Variants in NEBL observed in about 807,000 individuals in gnomAD.
NEBL encodes LIM and SH3 protein 2.
Under a neutral mutation model 140.2 loss-of-function variants are expected in NEBL, and 122 were observed. That is an observed-to-expected ratio of 0.87 (90% CI 0.75 to 1.01). The LOEUF (loss-of-function observed/expected upper bound fraction) is 1.01, where lower values mean the gene tolerates loss of function less well. Among genes scored for constraint, NEBL ranks in the 50% least tolerant of loss-of-function variants. The pLI is 0.00. For synonymous variants in NEBL, 436 were observed against 398.9 expected, an observed-to-expected ratio of 1.09 and a Z score of -1.11; for missense variants, 1,365 against 1,231.3, an observed-to-expected ratio of 1.11 and a Z score of -1.62.
At chr10:21,064,103 TA>T (rs1835424984) in intron 2 of NEBL, among the ~76,000 whole-genome samples, 1 of 152,098 alleles carries the variant, frequency 6.6e-6, no homozygotes, top group Admixed American at 6.5e-5. Flanking sequence ...GGCTTCTTTT[TA>T]CTCAGGGGTT....
chr10:21,140,885 C>A lies in NEBL; in HGVS notation c.164+31498G>T, dbSNP rs547105271. 5.3e-5 allele frequency among the ~76,000 whole-genome samples: 8 copies of A among 151,960 alleles called. No individual in the cohort carries two copies. The East Asian group carries it at 1.5e-3, about 29-fold the overall frequency. ...ATGGTGGGTTGATAGGTGCAGCAAA[C>A]CACCATGGCGCATGTATACCTAGGT... On this transcript the variant is annotated intron_variant, in intron 2 of 6. Transcript: ENST00000417816.
Position 20,859,782 on chromosome 10 carries a change from T to C in NEBL, c.729A>G (p.Lys243=). The change falls in exon 8 of 28, where the codon AAA becomes AAG. Residue 243 remains lysine (K), a synonymous_variant. Coordinates refer to ENST00000377122, the MANE Select transcript of NEBL (RefSeq NM_006393.3). ...CACTTTCAAGAGGATTGTAATGATG[T>C]TTCTTATCCTTCATTTCATTATCAA... is the stretch of plus-strand genomic sequence containing the variant. ...EKFDNEMKDK[K]HHYNPLESAS... 1.3e-6 allele frequency: 2 copies of C among 1,596,096 alleles called. No individual in the cohort carries two copies. Among genetic ancestry groups the C allele is most frequent in the Non-Finnish European group, 1.7e-6 (2 of 1,165,794 alleles).
At position 20,785,387 on chromosome 10, in the gene NEBL, A is replaced by C; in HGVS notation, c.*360T>G. 3.3e-6 allele frequency: 1 copy of C among 301,968 alleles called. No individual in the cohort carries two copies. Among genetic ancestry groups the C allele is most frequent in the African/African-American group, 2.2e-5 (1 of 46,090 alleles). The allele number at this position is 301,968 out of a possible 1,614,324, so 18.7% of individuals were successfully genotyped here. ...GAGAATTGGCTTGGGGTGATTCCAA[A>C]GTGACAGCTAAGAAGTTTCAAACAC... On this transcript the variant is annotated 3_prime_UTR_variant, in exon 28 of 28. Transcript: ENST00000377122.
chr10:21,162,649 A>G (rs73609209), intron 2 of NEBL, among the ~76,000 whole-genome samples: 4,341 of 152,306 alleles, frequency 0.029, 197 homozygotes, highest in African/African-American at 0.097. Context: ...GGCTGAGAAT[A>G]TCTATGGTCC....
chr10:21,046,822 T>C (rs1342036435), intron 2 of NEBL, among the ~76,000 whole-genome samples: 1 of 152,184 alleles, frequency 6.6e-6, no homozygotes, highest in Non-Finnish European at 1.5e-5. Flanking sequence ...CAGGATCGTC[T>C]GGATCTCCTG....
In NEBL at chr10:21,173,941, G is replaced by C; in HGVS notation, c.-108C>G. 2 of 1,394,036 alleles carry C rather than the reference G, an allele frequency of 1.4e-6. No individual in the cohort carries two copies. The highest frequency in any genetic ancestry group is 1.8e-6 in the Non-Finnish European group (2 of 1,085,770). The allele number at this position is 1,394,036 out of a possible 1,614,324, so 86.4% of individuals were successfully genotyped here. On this transcript the variant is annotated 5_prime_UTR_variant, in exon 1 of 7. Coordinates refer to the NEBL transcript ENST00000417816. The surrounding 1 kb of genome is among the most constrained non-coding windows in gnomAD (Gnocchi z 5.7). ...GCCTCCTGGCAGGCGGGAGGGCTGC[G>C]GGCGGCGGGCGCCGGGTAGGGAGTC...
intron 9 of NEBL, among the ~76,000 whole-genome samples, chr10:20,854,163 C>T (rs1842817255): frequency 6.6e-6 from 1 of 152,104 alleles, no homozygotes; most frequent in Non-Finnish European, 1.5e-5. Context: ...AGACTCAAGG[C>T]TACAGAGACT....
At chr10:20,929,550 C>G (rs575031268) in intron 4 of NEBL, among the ~76,000 whole-genome samples, 2 of 152,240 alleles carry the variant, frequency 1.3e-5, no homozygotes, top group South Asian at 4.1e-4. Flanking sequence ...TATACATATA[C>G]ACATACACCA....
At chr10:21,238,716 T>TAAAAAAAAAAAA (rs35732687) in intron 3 of NEBL, among the ~76,000 whole-genome samples, 3 of 94,494 alleles carry the variant, frequency 3.2e-5, no homozygotes, top group Non-Finnish European at 6.2e-5. Flanking sequence ...TCAAAAAAAT[T>TAAAAAAAAAAAA]AAAAAAAAAA....
At chr10:21,111,571 A>G (rs1261434835) in intron 2 of NEBL, among the ~76,000 whole-genome samples, 2 of 151,352 alleles carry the variant, frequency 1.3e-5, no homozygotes, top group African/African-American at 4.9e-5. Flanking sequence ...CCTTCCTTAC[A>G]CCATATACAA....
intron 21 of NEBL, 48 bp downstream of exon 21, chr10:20,817,552 G>T: frequency 7.3e-7 from 1 of 1,378,168 alleles, no homozygotes; most frequent in Non-Finnish European, 1.0e-6. Flanking sequence ...TTCACACGTG[G>T]ACAATGCATT....
rs1409105806 is a variant in NEBL, at chr10:20,781,926, G to A, written c.*3821C>T. ...ACTTTTAGATTATCAGAAGCAAATC[G>A]CTAAGGTATAATTAATTTATGAAGT... On this transcript the variant is annotated 3_prime_UTR_variant, in exon 28 of 28. Transcript: ENST00000377122. 2.0e-5 allele frequency: 3 copies of A among 152,372 alleles called. No homozygotes were observed. The highest frequency in any genetic ancestry group is 6.6e-5 in the Admixed American group (1 of 15,228). The allele number at this position is 152,372 out of a possible 1,614,324, so 9.4% of individuals were successfully genotyped here.
intron 4 of NEBL, among the ~76,000 whole-genome samples, chr10:20,912,878 A>G (rs935204420): frequency 7.0e-5 from 9 of 128,724 alleles, no homozygotes; most frequent in Non-Finnish European, 1.5e-4. Context: ...TAGTATGCCA[A>G]TTCTTTTTTT....
At chr10:21,027,381 G>A (rs1436110533) in intron 2 of NEBL, among the ~76,000 whole-genome samples, 1 of 149,800 alleles carries the variant, frequency 6.7e-6, no homozygotes, top group African/African-American at 2.5e-5. Flanking sequence ...AGGCTGAAGT[G>A]CAGTGGCAGG....
chr10:20,967,238 C>G (rs932215896), intron 3 of NEBL, among the ~76,000 whole-genome samples: 2 of 151,722 alleles, frequency 1.3e-5, no homozygotes, highest in Non-Finnish European at 2.9e-5. Context: ...ATGAATAAAT[C>G]CAATGTAATA....
chr10:20,901,596 A>C (rs1847872699), upstream of NEBL, among the ~76,000 whole-genome samples: 1 of 151,790 alleles, frequency 6.6e-6, no homozygotes, highest in South Asian at 2.1e-4. Flanking sequence ...AAAAGTACAG[A>C]GATAAACTGC....
intron 26 of NEBL, among the ~76,000 whole-genome samples, chr10:20,790,135 T>G (rs1328766908): frequency 6.6e-6 from 1 of 152,050 alleles, no homozygotes; most frequent in Non-Finnish European, 1.5e-5. Context: ...ATGAGAAACT[T>G]TGGAATAAAC....
chr10:21,237,266 G>T (rs577414356), intron 3 of NEBL, among the ~76,000 whole-genome samples: 1 of 151,786 alleles, frequency 6.6e-6, no homozygotes, highest in South Asian at 2.1e-4. Context: ...GTGCAGTAGC[G>T]CAATCTCAAC....
At chr10:21,228,476 A>AT (rs1481178876) in intron 3 of NEBL, among the ~76,000 whole-genome samples, 1 of 152,072 alleles carries the variant, frequency 6.6e-6, no homozygotes, top group African/African-American at 2.4e-5. Context: ...TTAATGGGTG[A>AT]TTTTTTTGAA....
Sources: gnomAD v4.1 joint callset for allele counts (sites outside exome capture counted in the v4.1 genomes callset) on GRCh38, gnomAD v4.1.1 for gene constraint, Gnocchi (gnomAD v3.1) non-coding constraint, MANE v1.5 for transcripts, NCBI Gene and HGNC (gene_info 2026-07-23, HGNC 2026-07-21) for gene names.